Variants in XYLT1 observed in about 807,000 individuals in gnomAD.
XYLT1 encodes the protein xylosyltransferase 1.
Under a neutral mutation model 91.3 loss-of-function variants are expected in XYLT1, and 36 were observed. The ratio of observed to expected loss-of-function variants is 0.39; its 90% CI spans 0.30 to 0.52. The LOEUF is 0.52. Ranked by LOEUF, XYLT1 falls within the 20% of genes least tolerant of loss-of-function variation. The pLI is 0.68. For synonymous variants in XYLT1, 588 were observed against 532.0 expected (o/e 1.11, Z -1.45); for missense variants, 1,242 against 1,284.5 (o/e 0.97, Z 0.51).
chr16:17,133,472 G>A (rs2030577304), intron 9 of XYLT1, among the ~76,000 whole-genome samples: 1 of 152,160 alleles, frequency 6.6e-6, no homozygotes, highest in Non-Finnish European at 1.5e-5. Flanking sequence ...ACTGACAATG[G>A]CAACAGTGAA....
intron 11 of XYLT1, among the ~76,000 whole-genome samples, chr16:17,116,953 CCT>C (rs1313976798): frequency 1.3e-5 from 2 of 151,944 alleles, no homozygotes; most frequent in African/African-American, 4.8e-5. Flanking sequence ...CCATTTTTTT[CCT>C]CTCTTTTATA....
At chr16:17,297,269 C>T (rs2034325081) in intron 2 of XYLT1, among the ~76,000 whole-genome samples, 1 of 152,140 alleles carries the variant, frequency 6.6e-6, no homozygotes, top group Non-Finnish European at 1.5e-5. Context: ...ATGCTGGGTC[C>T]TTATAATATA....
chr16:17,304,852 G>A (rs559809867), intron 2 of XYLT1, among the ~76,000 whole-genome samples: 1 of 152,162 alleles, frequency 6.6e-6, no homozygotes, highest in Non-Finnish European at 1.5e-5. Context: ...ACTTGGCACA[G>A]ATGAGGCCTT....
intron 3 of XYLT1, among the ~76,000 whole-genome samples, chr16:17,242,807 C>G (rs139447295): frequency 6.6e-6 from 1 of 152,306 alleles, no homozygotes; most frequent in East Asian, 1.9e-4. Flanking sequence ...CACCATCCTA[C>G]TCCTGTCTCT....
chr16:17,443,746 G>GTATATCT (rs2141943759), intron 1 of XYLT1, among the ~76,000 whole-genome samples: 1 of 152,298 alleles, frequency 6.6e-6, no homozygotes, highest in Admixed American at 6.5e-5. Flanking sequence ...TATCTAGCAG[G>GTATATCT]AGTGGGACAT....
At chr16:17,181,980 C>T (rs1327523383) in intron 5 of XYLT1, among the ~76,000 whole-genome samples, 2 of 152,158 alleles carry the variant, frequency 1.3e-5, no homozygotes, top group Non-Finnish European at 2.9e-5. Context: ...TCACATGGAG[C>T]TGCCAGACCT....
intron 5 of XYLT1, among the ~76,000 whole-genome samples, chr16:17,190,894 G>A (rs1331892605): frequency 1.3e-5 from 2 of 152,222 alleles, no homozygotes; most frequent in Admixed American, 6.5e-5. Flanking sequence ...TTTACTGGCT[G>A]TAGCCTTGGG....
intron 1 of XYLT1, among the ~76,000 whole-genome samples, chr16:17,413,902 C>T (rs373963071): frequency 6.6e-6 from 1 of 152,102 alleles, no homozygotes; most frequent in East Asian, 1.9e-4. Flanking sequence ...TCTCACACAC[C>T]AAGCCAATTT....
intron 3 of XYLT1, among the ~76,000 whole-genome samples, chr16:17,248,975 C>T (rs1367785659): frequency 1.3e-5 from 2 of 151,966 alleles, no homozygotes; most frequent in Non-Finnish European, 2.9e-5. Context: ...GATCCACCTG[C>T]CTCCCAAAGT....
At chr16:17,132,886 ACT>A (rs374523426) in intron 9 of XYLT1, among the ~76,000 whole-genome samples, 13 of 152,240 alleles carry the variant, frequency 8.5e-5, no homozygotes, top group African/African-American at 3.1e-4. Flanking sequence ...ACAGAGTAAG[ACT>A]CTGTCTCAAA....
chr16:17,365,801 G>A (rs1296139317), intron 1 of XYLT1, among the ~76,000 whole-genome samples: 2 of 151,996 alleles, frequency 1.3e-5, no homozygotes. Context: ...GGAAACTTGG[G>A]AATTATCTTA....
At chr16:17,187,882 C>A (rs1392068840) in intron 5 of XYLT1, among the ~76,000 whole-genome samples, 1 of 152,120 alleles carries the variant, frequency 6.6e-6, no homozygotes, top group Admixed American at 6.6e-5. Context: ...CCTCTGGCTG[C>A]GCCCCTGTTG....
At chr16:17,424,656 T>G (rs969346903) in intron 1 of XYLT1, among the ~76,000 whole-genome samples, 2 of 151,874 alleles carry the variant, frequency 1.3e-5, no homozygotes, top group Non-Finnish European at 2.9e-5. Flanking sequence ...GATCACGAGG[T>G]CAGGAGTTAC....
At chr16:17,187,470 G>A (rs187299009) in intron 5 of XYLT1, among the ~76,000 whole-genome samples, 5 of 146,400 alleles carry the variant, frequency 3.4e-5, no homozygotes, top group African/African-American at 5.1e-5. Context: ...GGGAGGCTGA[G>A]GGATGAGAAT....
intron 3 of XYLT1, among the ~76,000 whole-genome samples, chr16:17,205,111 G>A (rs967164076): frequency 2.6e-5 from 4 of 152,180 alleles, no homozygotes; most frequent in African/African-American, 9.7e-5. Context: ...CAGGTTTATC[G>A]AGAGAGAATA....
rs142429476 is a variant in XYLT1 at position 17,301,315 on chromosome 16, C to T, written c.403-41817G>A. On this transcript the variant is annotated intron_variant, in intron 2 of 11. Coordinates refer to ENST00000261381, the MANE Select transcript of XYLT1 (RefSeq NM_022166.4). The stretch of plus-strand genomic sequence containing the variant: ...ATCCCAGCTACTCAGGAAGCTGAGG[C>T]ACGAAAATCCCTTGAACTCAGGAGG... Among the ~76,000 whole-genome samples, 18 of 152,182 alleles carry T rather than the reference C, an allele frequency of 1.2e-4. No individual in the cohort carries two copies. In the East Asian group the frequency reaches 3.5e-3, roughly 30 times the overall value.
intron 1 of XYLT1, among the ~76,000 whole-genome samples, chr16:17,409,053 A>C (rs1272871533): frequency 6.6e-6 from 1 of 152,074 alleles, no homozygotes; most frequent in Non-Finnish European, 1.5e-5. Context: ...AGAAGGCCTT[A>C]GTCAGGGGAA....
chr16:17,340,099 C>T (rs1458042963), intron 2 of XYLT1, among the ~76,000 whole-genome samples: 2 of 151,984 alleles, frequency 1.3e-5, no homozygotes, highest in Non-Finnish European at 1.5e-5. Flanking sequence ...CATCTGCCCA[C>T]CCATCCACCC....
At chr16:17,373,143 T>A (rs2035557419) in intron 1 of XYLT1, among the ~76,000 whole-genome samples, 3 of 152,184 alleles carry the variant, frequency 2.0e-5, no homozygotes, top group African/African-American at 7.2e-5. Context: ...CAATATTATT[T>A]TTTGTTTTGT....
Sources: allele counts gnomAD v4.1 joint callset (sites outside exome capture counted in the v4.1 genomes callset), GRCh38; gene constraint gnomAD v4.1.1; transcripts MANE v1.5; gene names NCBI Gene and HGNC (gene_info 2026-07-23, HGNC 2026-07-21).